The following SH3RF1 variants were observed in gnomAD, a reference collection of about 807,000 sequenced individuals.
SH3RF1 encodes SH3 domain containing ring finger 1.
A neutral mutation model predicts 74.0 loss-of-function variants in SH3RF1; 32 were observed. The observed-to-expected ratio is 0.43, with a 90% CI of 0.33 to 0.58. SH3RF1 has a LOEUF of 0.58. SH3RF1 is among the 20% of genes least tolerant of loss of function. The pLI, the probability that SH3RF1 is intolerant of heterozygous loss-of-function variation, is 0.05. For synonymous variants in SH3RF1, 396 were observed against 439.6 expected, an observed-to-expected ratio of 0.90 and a Z score of 1.24; for missense variants, 954 against 1,130.9, an observed-to-expected ratio of 0.84 and a Z score of 2.24.
At chr4:169,145,204 T>A (rs892551952) in intron 4 of SH3RF1, among the ~76,000 whole-genome samples, 2 of 152,094 alleles carry the variant, frequency 1.3e-5, no homozygotes, top group African/African-American at 4.8e-5. Flanking sequence ...AACGGTCTAC[T>A]GGATAAAGAA....
chr4:169,257,052 G>A (rs1418025431), intron 2 of SH3RF1, among the ~76,000 whole-genome samples: 1 of 152,184 alleles, frequency 6.6e-6, no homozygotes, highest in Non-Finnish European at 1.5e-5. Context: ...CACAAACTTG[G>A]AAAGCAGCTC....
intron 2 of SH3RF1, among the ~76,000 whole-genome samples, chr4:169,225,649 GT>G (rs1294811110): frequency 6.6e-6 from 1 of 152,186 alleles, no homozygotes; most frequent in African/African-American, 2.4e-5. Flanking sequence ...AAGGAAGTGA[GT>G]CAGTCTGAGG....
At chr4:169,196,696 CT>C (rs1321050202) in intron 2 of SH3RF1, among the ~76,000 whole-genome samples, 3 of 152,094 alleles carry the variant, frequency 2.0e-5, no homozygotes, top group Non-Finnish European at 4.4e-5. Context: ...TCCAAGCAGA[CT>C]TTTTTATACT....
chr4:169,130,731 C>A (rs1207723471), intron 5 of SH3RF1, among the ~76,000 whole-genome samples: 1 of 152,138 alleles, frequency 6.6e-6, no homozygotes, highest in African/African-American at 2.4e-5. Context: ...AATGTCAAGC[C>A]AAATTAGTTG....
intron 4 of SH3RF1, among the ~76,000 whole-genome samples, chr4:169,150,471 T>C (rs1421127452): frequency 1.3e-5 from 2 of 152,236 alleles, no homozygotes; most frequent in Admixed American, 6.5e-5. Flanking sequence ...TTACCTCAGA[T>C]AGGTATCATT....
At chr4:169,188,122 C>T (rs1734639244) in intron 2 of SH3RF1, among the ~76,000 whole-genome samples, 1 of 151,784 alleles carries the variant, frequency 6.6e-6, no homozygotes, top group Non-Finnish European at 1.5e-5. Flanking sequence ...CCTGCTAACA[C>T]CTTGATTTCA....
At chr4:169,198,065 A>AT (rs1734847538) in intron 2 of SH3RF1, among the ~76,000 whole-genome samples, 2 of 152,198 alleles carry the variant, frequency 1.3e-5, no homozygotes, top group Non-Finnish European at 2.9e-5. Context: ...AGAAAAATCA[A>AT]TTGGTCCAAA....
At position 169,095,247 on chromosome 4, in the gene SH3RF1, A is replaced by T. The variant is rs929047272; in HGVS notation, c.*1272T>A. The T allele has an allele frequency of 3.9e-5, 6 of 152,638 alleles. No homozygotes were observed. Among genetic ancestry groups the T allele is most frequent in the Non-Finnish European group, 7.3e-5 (5 of 68,046 alleles). 9.5% of individuals were successfully genotyped at this position (152,638 alleles called of 1,614,324 possible). On this transcript the variant is annotated 3_prime_UTR_variant, in exon 12 of 12. Transcript: ENST00000284637. ...TGGGAGGACATAAAAGACCACTTTC[A>T]CTAATGACTTGTGTAGTGGCTAATG... is the stretch of plus-strand genomic sequence containing the variant.
At chr4:169,179,027 C>A (rs1734467296) in intron 2 of SH3RF1, among the ~76,000 whole-genome samples, 1 of 152,184 alleles carries the variant, frequency 6.6e-6, no homozygotes, top group Non-Finnish European at 1.5e-5. Flanking sequence ...CCAAAGTAGA[C>A]CACACCCCAA....
rs542441407 is a variant in SH3RF1 at position 169,114,376 on chromosome 4, C to A, written c.2139+1893G>T. Among the ~76,000 whole-genome samples the A allele has an allele frequency of 1.4e-4, 22 of 152,352 alleles. No homozygotes were observed. The South Asian group carries it at 4.6e-3, about 32-fold the overall frequency. Reference sequence around the variant, plus strand: ...TTTTAAGAACATCCTTGAGTTTACACTGGGCCCACCTGGATAATTCAGGCT... The same window carrying A: ...TTTTAAGAACATCCTTGAGTTTACAATGGGCCCACCTGGATAATTCAGGCT... On this transcript the variant is annotated intron_variant, in intron 10 of 11. Transcript: ENST00000284637.
chr4:169,237,324 T>C (rs571636924), intron 2 of SH3RF1, among the ~76,000 whole-genome samples: 124 of 152,296 alleles, frequency 8.1e-4, no homozygotes, highest in African/African-American at 3.0e-3. Flanking sequence ...TCACCAGGTG[T>C]TTATTTACCT....
intron 11 of SH3RF1, among the ~76,000 whole-genome samples, chr4:169,098,616 C>T (rs896516259): frequency 6.6e-6 from 1 of 152,200 alleles, no homozygotes; most frequent in Non-Finnish European, 1.5e-5. Flanking sequence ...CAGAAGTTGG[C>T]TTATCATATC....
At chr4:169,156,704 T>C in intron 2 of SH3RF1, 25 bp from the exon 3 acceptor site, 1 of 1,538,528 alleles carries the variant, frequency 6.5e-7, no homozygotes, top group South Asian at 1.2e-5. Flanking sequence ...GAGGGATGAA[T>C]TTTAATAAAA....
chr4:169,107,877 A>G (rs1291833235), intron 10 of SH3RF1, among the ~76,000 whole-genome samples: 1 of 152,222 alleles, frequency 6.6e-6, no homozygotes, highest in Non-Finnish European at 1.5e-5. Context: ...TTAGACATCC[A>G]TTTTAAGGAA....
chr4:169,250,204 A>G (rs1731077070), intron 2 of SH3RF1, among the ~76,000 whole-genome samples: 1 of 152,196 alleles, frequency 6.6e-6, no homozygotes, highest in Non-Finnish European at 1.5e-5. Flanking sequence ...CTTTAAAAGT[A>G]TGAACACTGA....
chr4:169,245,614 C>T (rs1561063385), intron 2 of SH3RF1, among the ~76,000 whole-genome samples: 1 of 152,070 alleles, frequency 6.6e-6, no homozygotes, highest in Non-Finnish European at 1.5e-5. Flanking sequence ...TGGAGAAAAC[C>T]GGATAATCCA....
chr4:169,122,326 C>A (rs1371105392), intron 6 of SH3RF1, 60 bp from the exon 7 acceptor site: 2 of 1,505,108 alleles, frequency 1.3e-6, no homozygotes, highest in African/African-American at 1.4e-5. Context: ...TGATTTACAT[C>A]TTCCTATGGA....
At chr4:169,260,494 G>A (rs1731259826) in intron 2 of SH3RF1, among the ~76,000 whole-genome samples, 1 of 152,154 alleles carries the variant, frequency 6.6e-6, no homozygotes, top group Non-Finnish European at 1.5e-5. Context: ...AGCAGCTGAT[G>A]CAAAAGCCAG....
At position 169,117,648 on chromosome 4, in the gene SH3RF1, C is replaced by T; in HGVS notation, c.1652G>A (p.Ser551Asn). The T allele has an allele frequency of 6.2e-7, 1 of 1,614,206 alleles. No individual in the cohort carries two copies. The stretch of plus-strand genomic sequence containing the variant: ...CACAGCTGCGGGGACAACACTGGGA[C>T]TCCCAGCCACGCCATTTCCCTGGAG... ...QKLQGNGVAG[S>N]PSVVPAAVVS... Residue 551 changes from serine (S) to asparagine (N), a missense_variant, in exon 9 of 12, where the codon AGT becomes AAT. By Grantham distance (46) the Ser-to-Asn change is conservative (BLOSUM62 1). Around this residue, in one of 3 missense-constraint regions of SH3RF1, gnomAD observed 854 missense variants for 962.5 expected, o/e 0.89. Coordinates refer to ENST00000284637, the MANE Select transcript of SH3RF1 (RefSeq NM_020870.4).
Sources: allele counts gnomAD v4.1 joint callset (sites outside exome capture counted in the v4.1 genomes callset), GRCh38; gene constraint gnomAD v4.1.1; regional missense constraint gnomAD v4.1.1; transcripts MANE v1.5; gene names NCBI Gene and HGNC (gene_info 2026-07-23, HGNC 2026-07-21).